The following TRAPPC9 variants were observed in gnomAD, a reference collection of about 807,000 sequenced individuals.
The protein encoded by TRAPPC9 is trafficking protein particle complex subunit 9.
In TRAPPC9, 83 loss-of-function variants were observed where a neutral mutation model predicts 124.0. The ratio of observed to expected loss-of-function variants is 0.67; its 90% CI spans 0.56 to 0.80. TRAPPC9 has a LOEUF of 0.80. TRAPPC9 is among the 30% of genes least tolerant of loss of function. The pLI, the probability that TRAPPC9 is intolerant of heterozygous loss-of-function variation, is 0.00. For synonymous variants in TRAPPC9, 638 were observed against 617.5 expected, an observed-to-expected ratio of 1.03 and a Z score of -0.49; for missense variants, 1,302 against 1,508.3, an observed-to-expected ratio of 0.86 and a Z score of 2.27.
At chr8:140,160,317 A>G (rs986853618) in intron 17 of TRAPPC9, among the ~76,000 whole-genome samples, 5 of 152,210 alleles carry the variant, frequency 3.3e-5, no homozygotes, top group African/African-American at 9.7e-5. Flanking sequence ...AAGGATTATA[A>G]ATCATGCTAC....
intron 17 of TRAPPC9, among the ~76,000 whole-genome samples, chr8:140,211,318 G>A (rs1262259373): frequency 6.6e-6 from 1 of 152,234 alleles, no homozygotes; most frequent in Non-Finnish European, 1.5e-5. Flanking sequence ...CAGCACTTTG[G>A]TAGACCGAGG....
intron 4 of TRAPPC9, among the ~76,000 whole-genome samples, chr8:140,431,238 C>G (rs994237328): frequency 6.6e-6 from 1 of 151,954 alleles, no homozygotes. Context: ...AGGCGGATCA[C>G]CTGAGGTCAG....
intron 19 of TRAPPC9, among the ~76,000 whole-genome samples, chr8:139,926,651 G>A (rs1471534086): frequency 7.3e-5 from 11 of 150,988 alleles, no homozygotes; most frequent in East Asian, 1.9e-4. Flanking sequence ...CCTGGGAGGC[G>A]GAGGTTGCAG....
chr8:139,844,253 A>G (rs1224251971), intron 21 of TRAPPC9, among the ~76,000 whole-genome samples: 2 of 152,190 alleles, frequency 1.3e-5, no homozygotes, highest in Non-Finnish European at 2.9e-5. Context: ...TCACCTTCCT[A>G]TGTGAAACAG....
At chr8:139,846,176 G>A (rs964139115) in intron 21 of TRAPPC9, among the ~76,000 whole-genome samples, 3 of 152,250 alleles carry the variant, frequency 2.0e-5, no homozygotes, top group South Asian at 2.1e-4. Flanking sequence ...GCTTGGTGCC[G>A]GAAGCGGTAG....
chr8:139,863,755 C>T (rs1212121285), intron 21 of TRAPPC9, among the ~76,000 whole-genome samples: 2 of 152,246 alleles, frequency 1.3e-5, no homozygotes, highest in Non-Finnish European at 2.9e-5. Context: ...CCGAACATCA[C>T]CCCACTCATC....
intron 19 of TRAPPC9, among the ~76,000 whole-genome samples, chr8:139,982,186 G>A (rs1041349343): frequency 2.0e-5 from 3 of 152,098 alleles, no homozygotes; most frequent in South Asian, 2.1e-4. Flanking sequence ...AAGTTCATGC[G>A]GTTTCACTAA....
intron 17 of TRAPPC9, among the ~76,000 whole-genome samples, chr8:140,084,260 T>C (rs1844040880): frequency 1.3e-5 from 2 of 152,224 alleles, no homozygotes; most frequent in Non-Finnish European, 2.9e-5. Flanking sequence ...CATGTTATAC[T>C]GCTATAATGA....
chr8:140,365,828 G>A (rs1364617738), intron 8 of TRAPPC9, among the ~76,000 whole-genome samples: 5 of 152,202 alleles, frequency 3.3e-5, no homozygotes, highest in South Asian at 2.1e-4. Flanking sequence ...ACTGGTAAAC[G>A]TGTTTCATAG....
At chr8:140,354,352 C>A (rs545741628) in intron 9 of TRAPPC9, among the ~76,000 whole-genome samples, 1 of 152,152 alleles carries the variant, frequency 6.6e-6, no homozygotes, top group Non-Finnish European at 1.5e-5. Context: ...TGGCCCTGTA[C>A]CCATGATCAG....
intron 9 of TRAPPC9, among the ~76,000 whole-genome samples, chr8:140,324,306 A>T (rs112072982): frequency 1.7e-3 from 266 of 152,342 alleles, no homozygotes; most frequent in Non-Finnish European, 2.0e-3. Flanking sequence ...CAAAGGGATG[A>T]ATGGACACAT....
chr8:140,071,327 C>T (rs1471654320), intron 17 of TRAPPC9, among the ~76,000 whole-genome samples: 2 of 152,302 alleles, frequency 1.3e-5, no homozygotes, highest in African/African-American at 2.4e-5. Context: ...CTCACTCCAG[C>T]GGTCATGCTG....
intron 1 of TRAPPC9, chr8:140,456,766 G>C: frequency 2.0e-6 from 2 of 984,656 alleles, no homozygotes; most frequent in South Asian, 4.7e-5. Flanking sequence ...AACTGGGGCC[G>C]TGAGGGATGG....
intron 20 of TRAPPC9, among the ~76,000 whole-genome samples, chr8:139,890,626 G>A (rs888755819): frequency 3.9e-5 from 6 of 152,132 alleles, no homozygotes; most frequent in Non-Finnish European, 7.3e-5. Flanking sequence ...TTTCAAATAC[G>A]GGAAGGCGAA....
chr8:140,025,431 G>C (rs1005379461), intron 17 of TRAPPC9, among the ~76,000 whole-genome samples: 1 of 152,118 alleles, frequency 6.6e-6, no homozygotes, highest in African/African-American at 2.4e-5. Flanking sequence ...GGCTGGCAAA[G>C]CTTAAAATAC....
At chr8:139,812,490 C>T (rs1824511564) in intron 21 of TRAPPC9, among the ~76,000 whole-genome samples, 1 of 152,200 alleles carries the variant, frequency 6.6e-6, no homozygotes. Context: ...AACAGTTTAG[C>T]ATTTGCAGAA....
At chr8:140,229,700 G>C (rs2063547810) in intron 16 of TRAPPC9, among the ~76,000 whole-genome samples, 1 of 152,066 alleles carries the variant, frequency 6.6e-6, no homozygotes, top group Non-Finnish European at 1.5e-5. Flanking sequence ...TGCGATTACA[G>C]GCGCACGCCA....
At chr8:139,819,400 T>G (rs1825094572) in intron 21 of TRAPPC9, among the ~76,000 whole-genome samples, 1 of 152,216 alleles carries the variant, frequency 6.6e-6, no homozygotes, top group Admixed American at 6.5e-5. Flanking sequence ...TGAATCATCC[T>G]GAAAGCATCC....
Position 140,024,078 on chromosome 8 carries a change from G to A in TRAPPC9, c.2558C>T (p.Thr853Ile). ...TTTGAAATTCAGGACAGCTTCCAGG[G>A]TCTAAAAGATATTAAAAAAAAAAAT... ...NKAGDYSHVKTLEAVLNFKYS... is the reference protein window; with the variant it reads ...NKAGDYSHVKILEAVLNFKYS... Residue 853 changes from threonine (T) to isoleucine (I), a missense_variant and splice_region_variant, in exon 18 of 23, where the codon ACC (threonine) becomes ATC (isoleucine). Thr to Ile is a moderately conservative substitution (Grantham distance 89). Coordinates refer to ENST00000438773, the MANE Select transcript of TRAPPC9 (RefSeq NM_001160372.4). 6.2e-7 allele frequency: 1 copy of A among 1,613,564 alleles called. No homozygotes were observed. The highest frequency in any genetic ancestry group is 1.1e-5 in the South Asian group (1 of 91,066).
Sources: gnomAD v4.1 joint callset for allele counts (sites outside exome capture counted in the v4.1 genomes callset) on GRCh38, gnomAD v4.1.1 for gene constraint, MANE v1.5 for transcripts, NCBI Gene and HGNC (gene_info 2026-07-23, HGNC 2026-07-21) for gene names.